ALCAM: variants seen among roughly 807,000 people sequenced by gnomAD.
ALCAM encodes the protein CD166 antigen.
In ALCAM, 30 loss-of-function variants were observed where a neutral mutation model predicts 70.9. The ratio of observed to expected loss-of-function variants is 0.42; its 90% confidence interval spans 0.32 to 0.57. The LOEUF (loss-of-function observed/expected upper bound fraction) is 0.57. Among genes scored for constraint, ALCAM ranks in the 20% least tolerant of loss-of-function variants. ALCAM has a pLI of 0.11. For synonymous variants in ALCAM, 249 were observed against 242.5 expected (o/e 1.03, Z -0.25); for missense variants, 591 against 695.1 (o/e 0.85, Z 1.68).
chr3:105,398,570 G>A (rs1276570184), intron 1 of ALCAM, among the ~76,000 whole-genome samples: 1 of 151,972 alleles, frequency 6.6e-6, no homozygotes, highest in African/African-American at 2.4e-5. Context: ...AAATGTGATG[G>A]CCAGTGGTTC....
At chr3:105,547,867 C>T (rs1367495610) in intron 11 of ALCAM, among the ~76,000 whole-genome samples, 2 of 151,474 alleles carry the variant, frequency 1.3e-5, no homozygotes, top group African/African-American at 4.8e-5. Context: ...TTAAGATATA[C>T]ACTTTCCTGC....
intron 1 of ALCAM, among the ~76,000 whole-genome samples, chr3:105,448,999 A>G (rs1157805758): frequency 1.3e-5 from 2 of 152,168 alleles, no homozygotes; most frequent in Non-Finnish European, 1.5e-5. Context: ...ATGCCCTGAG[A>G]TTTCAGATCC....
chr3:105,576,633 A>G lies in ALCAM; in HGVS notation c.*2182A>G, dbSNP rs1035129887. On this transcript the variant is annotated 3_prime_UTR_variant, in exon 16 of 16. Transcript: ENST00000306107. ...AAGTTTGCCGGGAAAAAAAAAGACAACATTATTACCATCGATTCAGTGCCT... is the reference window on the plus strand; with the variant it reads ...AAGTTTGCCGGGAAAAAAAAAGACAGCATTATTACCATCGATTCAGTGCCT... 6.6e-6 allele frequency: 1 copy of G among 152,404 alleles called. No homozygotes were observed. The highest frequency in any genetic ancestry group is 2.4e-5 in the African/African-American group (1 of 41,438). 9.4% of individuals were successfully genotyped at this position (152,404 alleles called of 1,614,324 possible).
At chr3:105,474,156 T>C (rs1046413876) in intron 1 of ALCAM, among the ~76,000 whole-genome samples, 8 of 151,880 alleles carry the variant, frequency 5.3e-5, no homozygotes, top group African/African-American at 1.9e-4. Flanking sequence ...AAGCATATGC[T>C]GTTTTTCCAA....
intron 1 of ALCAM, among the ~76,000 whole-genome samples, chr3:105,439,698 C>T (rs2152582555): frequency 6.6e-6 from 1 of 152,178 alleles, no homozygotes; most frequent in South Asian, 2.1e-4. Flanking sequence ...GTCATGTGCA[C>T]TGAGATCAGG....
intron 14 of ALCAM, among the ~76,000 whole-genome samples, chr3:105,560,071 A>G (rs1940600222): frequency 6.6e-6 from 1 of 152,130 alleles, no homozygotes; most frequent in Non-Finnish European, 1.5e-5. Flanking sequence ...TCTCTTGGGT[A>G]AAAACCTAGG....
chr3:105,374,921 G>A (rs1215835083), intron 1 of ALCAM, among the ~76,000 whole-genome samples: 1 of 152,182 alleles, frequency 6.6e-6, no homozygotes, highest in African/African-American at 2.4e-5. Flanking sequence ...ATACCAATAA[G>A]CTGGTTTATG....
chr3:105,550,358 G>T, intron 12 of ALCAM, 99 bp downstream of exon 12: 1 of 1,204,574 alleles, frequency 8.3e-7, no homozygotes, highest in Non-Finnish European at 1.1e-6. Context: ...CTGCATTATG[G>T]TAAGTTTTAT....
chr3:105,454,806 C>G (rs532361864), intron 1 of ALCAM, among the ~76,000 whole-genome samples: 59 of 151,590 alleles, frequency 3.9e-4, no homozygotes, highest in African/African-American at 1.4e-3. Flanking sequence ...GTAGCTGGGA[C>G]TACAAGCACC....
intron 3 of ALCAM, among the ~76,000 whole-genome samples, chr3:105,530,709 A>G (rs572526900): frequency 6.6e-6 from 1 of 152,196 alleles, no homozygotes; most frequent in Admixed American, 6.5e-5. Flanking sequence ...TGAGTTCAAC[A>G]CATGGGAGGA....
At chr3:105,404,950 A>T (rs1050686761) in intron 1 of ALCAM, among the ~76,000 whole-genome samples, 2 of 152,060 alleles carry the variant, frequency 1.3e-5, no homozygotes, top group African/African-American at 4.8e-5. Context: ...CTTATGTCAG[A>T]CGAAACAAAC....
intron 1 of ALCAM, among the ~76,000 whole-genome samples, chr3:105,374,075 A>G (rs1405021111): frequency 6.6e-6 from 1 of 152,236 alleles, no homozygotes; most frequent in African/African-American, 2.4e-5. Context: ...GACTTTGGTC[A>G]TTGGAGAAAC....
intron 8 of ALCAM, among the ~76,000 whole-genome samples, chr3:105,542,924 T>C (rs907157726): frequency 6.6e-6 from 1 of 151,760 alleles, no homozygotes; most frequent in African/African-American, 2.4e-5. Flanking sequence ...CAGGGGCTAG[T>C]TACAGAGAAA....
At chr3:105,564,822 G>A (rs1187023623) in intron 14 of ALCAM, among the ~76,000 whole-genome samples, 1 of 152,210 alleles carries the variant, frequency 6.6e-6, no homozygotes, top group Non-Finnish European at 1.5e-5. Context: ...GAGGCAGGCA[G>A]ATTGCTTGAT....
At chr3:105,532,785 A>G (rs1360828665) in intron 4 of ALCAM, among the ~76,000 whole-genome samples, 1 of 152,196 alleles carries the variant, frequency 6.6e-6, no homozygotes, top group Non-Finnish European at 1.5e-5. Context: ...GAAAGGATAG[A>G]AAGAGATGAA....
At chr3:105,400,016 C>A (rs1358740581) in intron 1 of ALCAM, among the ~76,000 whole-genome samples, 3 of 152,112 alleles carry the variant, frequency 2.0e-5, no homozygotes, top group Non-Finnish European at 2.9e-5. Flanking sequence ...CTTGTTAATA[C>A]CTTTATTGTT....
chr3:105,376,685 A>G (rs1465068467), intron 1 of ALCAM, among the ~76,000 whole-genome samples: 1 of 152,214 alleles, frequency 6.6e-6, no homozygotes, highest in East Asian at 1.9e-4. Context: ...AATGAACAGC[A>G]TTTTACAACA....
At chr3:105,432,777 A>G (rs958492131) in intron 1 of ALCAM, among the ~76,000 whole-genome samples, 1 of 152,174 alleles carries the variant, frequency 6.6e-6, no homozygotes, top group Non-Finnish European at 1.5e-5. Flanking sequence ...TTTGCATAAT[A>G]GAATGCAAAA....
intron 1 of ALCAM, among the ~76,000 whole-genome samples, chr3:105,465,888 G>T (rs564442462): frequency 6.6e-6 from 1 of 151,400 alleles, no homozygotes; most frequent in East Asian, 2.0e-4. Context: ...AATAGATTCT[G>T]ACTTTAAACA....
Sources: gnomAD v4.1 joint callset for allele counts (sites outside exome capture counted in the v4.1 genomes callset) on GRCh38, gnomAD v4.1.1 for gene constraint, MANE v1.5 for transcripts, NCBI Gene and HGNC (gene_info 2026-07-23, HGNC 2026-07-21) for gene names.